Variants in NUP93 observed in about 807,000 individuals in gnomAD.
NUP93 encodes nucleoporin 93, also known as nuclear pore complex protein Nup93.
NUP93 carries 55 observed loss-of-function variants against 107.8 expected under a neutral mutation model. The observed-to-expected ratio is 0.51, with a 90% CI of 0.41 to 0.64. The LOEUF (loss-of-function observed/expected upper bound fraction) is 0.64. Ranked by LOEUF, NUP93 falls within the 30% of genes least tolerant of loss-of-function variation. The pLI is 0.00. For synonymous variants in NUP93, 390 were observed against 397.5 expected (o/e 0.98, Z 0.22); for missense variants, 937 against 1,044.7 (o/e 0.90, Z 1.42).
chr16:56,740,126 G>GCC (rs1961696350), intron 1 of NUP93, among the ~76,000 whole-genome samples: 1 of 116,496 alleles, frequency 8.6e-6, no homozygotes, highest in African/African-American at 3.6e-5. Flanking sequence ...GCGGGGGGCT[G>GCC]ACCCCCCCAC....
intron 5 of NUP93, among the ~76,000 whole-genome samples, chr16:56,810,051 G>C (rs2078128560): frequency 6.6e-6 from 1 of 152,110 alleles, no homozygotes; most frequent in Non-Finnish European, 1.5e-5. Context: ...ATTGATAATG[G>C]GATGTTCTTT....
intron 1 of NUP93, among the ~76,000 whole-genome samples, chr16:56,745,264 A>ACACAT (rs1218544272): frequency 2.0e-5 from 3 of 152,282 alleles, no homozygotes; most frequent in Non-Finnish European, 4.4e-5. Context: ...AATGTGCCTG[A>ACACAT]TCTGTTGGGG....
Position 56,847,819 on chromosome 16 carries a change from C to G in NUP93, c.*3210C>G, listed in dbSNP as rs941289813. ...GGATGCAGACCCAGCTCCTGTCCTCCGCGAACTTACAGTCTAATTAGAGCC... is the reference window on the plus strand; with the variant it reads ...GGATGCAGACCCAGCTCCTGTCCTCGGCGAACTTACAGTCTAATTAGAGCC... On this transcript the variant is annotated 3_prime_UTR_variant, in exon 22 of 22. Transcript: ENST00000308159. The G allele has an allele frequency of 1.3e-5, 2 of 152,176 alleles. No individual in the cohort carries two copies. Among genetic ancestry groups the G allele is most frequent in the African/African-American group, 4.8e-5 (2 of 41,440 alleles). 9.4% of individuals were successfully genotyped at this position (152,176 alleles called of 1,614,324 possible).
chr16:56,758,434 G>C, intron 2 of NUP93, 104 bp from the exon 3 acceptor site: 4 of 840,116 alleles, frequency 4.8e-6, no homozygotes, highest in Non-Finnish European at 6.1e-6. Flanking sequence ...AGGAAGTTTT[G>C]AATTAAAAAT....
intron 18 of NUP93, 113 bp downstream of exon 18, chr16:56,837,839 C>T (rs1433102378): frequency 5.5e-6 from 4 of 724,590 alleles, no homozygotes; most frequent in Non-Finnish European, 9.3e-6. Flanking sequence ...GACAGCTTTC[C>T]AAAGTGGTTC....
chr16:56,786,676 G>A (rs1204586109), intron 3 of NUP93, among the ~76,000 whole-genome samples: 2 of 152,256 alleles, frequency 1.3e-5, no homozygotes, highest in Non-Finnish European at 2.9e-5. Context: ...TGGGTCCATT[G>A]TGTTGGCTCG....
chr16:56,841,930 C>G lies in NUP93; in HGVS notation c.2349+97C>G, dbSNP rs1451252453. 2.7e-6 allele frequency: 4 copies of G among 1,460,224 alleles called. No individual in the cohort carries two copies. The African/African-American group carries it at 4.2e-5, about 15-fold the overall frequency. The allele number at this position is 1,460,224 out of a possible 1,614,324, so 90.5% of individuals were successfully genotyped here. On this transcript the variant is annotated intron_variant, in intron 21 of 21. Coordinates refer to ENST00000308159, the MANE Select transcript of NUP93 (RefSeq NM_014669.5). Reference sequence around the variant, plus strand: ...TGAGACCACATGACCCAAAACTGCTCTTTCTCCTCAGTACCTGGCAGCTGG... The same window carrying G: ...TGAGACCACATGACCCAAAACTGCTGTTTCTCCTCAGTACCTGGCAGCTGG...
rs766467811 is a variant in NUP93, at chr16:56,848,814, G to C, written c.*4205G>C. The C allele has an allele frequency of 1.1e-4, 16 of 152,202 alleles. No individual in the cohort carries two copies. The highest frequency in any genetic ancestry group is 2.2e-4 in the Non-Finnish European group (15 of 68,040). The allele number at this position is 152,202 out of a possible 1,614,324, so 9.4% of individuals were successfully genotyped here. The stretch of plus-strand genomic sequence containing the variant: ...TGTGCTGGGCCGTGCTAGGTAGCTG[G>C]AATATCTGAGGTAAATTAAGCACTG... On this transcript the variant is annotated 3_prime_UTR_variant, in exon 22 of 22. Transcript: ENST00000308159.
In NUP93 at chr16:56,831,923, C is replaced by T. The variant is rs773601636; in HGVS notation, c.1167C>T (p.Ala389=). The T allele has an allele frequency of 6.2e-5, 100 of 1,613,966 alleles. No individual in the cohort carries two copies. Among genetic ancestry groups the T allele is most frequent in the Non-Finnish European group, 7.5e-5 (88 of 1,179,990 alleles). Residue 389 remains alanine (A), a synonymous_variant, in exon 11 of 22, where the codon GCC becomes GCT. Coordinates refer to ENST00000308159, the MANE Select transcript of NUP93 (RefSeq NM_014669.5). ...ACAATACAGATCCCTACAAGCGGGC[C>T]GTGTACTGTATCATTGGCAGATGTG... The part of the protein sequence containing the change: ...LRNNTDPYKR[A]VYCIIGRCDV...
chr16:56,842,183 C>A (rs1964039043), intron 21 of NUP93, among the ~76,000 whole-genome samples: 1 of 152,142 alleles, frequency 6.6e-6, no homozygotes, highest in Non-Finnish European at 1.5e-5. Context: ...TTATTAAAAC[C>A]ATACTTTATT....
At chr16:56,775,926 A>C (rs1292243933) in intron 3 of NUP93, among the ~76,000 whole-genome samples, 6 of 152,142 alleles carry the variant, frequency 3.9e-5, no homozygotes, top group Admixed American at 2.0e-4. Flanking sequence ...AGTAACCCAC[A>C]GGTCATCACC....
At chr16:56,777,549 A>C (rs9928890) in intron 3 of NUP93, among the ~76,000 whole-genome samples, 20,239 of 152,224 alleles carry the variant, frequency 0.13, 1,465 homozygotes, top group South Asian at 0.19. Flanking sequence ...CTCACTTAAA[A>C]TAATATTCAG....
intron 21 of NUP93, chr16:56,842,555 C>CTTT: frequency 1.9e-5 from 8 of 418,838 alleles, no homozygotes; most frequent in Admixed American, 2.7e-5. Flanking sequence ...ATGGTGTTTG[C>CTTT]TTTTTTTTTT....
chr16:56,803,453 AAATAAT>A (rs112927830), intron 4 of NUP93, among the ~76,000 whole-genome samples: 49 of 151,954 alleles, frequency 3.2e-4, no homozygotes, highest in South Asian at 2.1e-4. Context: ...CAACAGAAAA[AAATAAT>A]AATAATAATA....
At chr16:56,732,985 T>C (rs1022864336) in intron 1 of NUP93, among the ~76,000 whole-genome samples, 1 of 151,966 alleles carries the variant, frequency 6.6e-6, no homozygotes, top group African/African-American at 2.4e-5. Flanking sequence ...TTCAGAGTAG[T>C]GTGGGAGGGG....
intron 5 of NUP93, among the ~76,000 whole-genome samples, chr16:56,808,189 T>TAC (rs1963199612): frequency 7.9e-6 from 1 of 126,096 alleles, no homozygotes; most frequent in East Asian, 2.3e-4. Context: ...AATATATAGT[T>TAC]ATATAACTAT....
chr16:56,764,474 A>AG (rs1270236610), intron 3 of NUP93, among the ~76,000 whole-genome samples: 1 of 152,230 alleles, frequency 6.6e-6, no homozygotes, highest in Admixed American at 6.5e-5. Context: ...TGGCTGACAG[A>AG]GAGAGACTCT....
chr16:56,732,770 G>T (rs1341372073), intron 1 of NUP93, among the ~76,000 whole-genome samples: 10 of 152,106 alleles, frequency 6.6e-5, no homozygotes, highest in Non-Finnish European at 7.4e-5. Context: ...TTAGAGGGAA[G>T]ATCTTTCACT....
intron 1 of NUP93, among the ~76,000 whole-genome samples, chr16:56,735,801 C>A (rs1450715477): frequency 4.8e-5 from 7 of 145,062 alleles, no homozygotes; most frequent in African/African-American, 1.8e-4. Context: ...GCACTCCAGC[C>A]TGGGGGACAA....
Sources: gnomAD v4.1 joint callset for allele counts (sites outside exome capture counted in the v4.1 genomes callset) on GRCh38, gnomAD v4.1.1 for gene constraint, MANE v1.5 for transcripts, NCBI Gene and HGNC (gene_info 2026-07-23, HGNC 2026-07-21) for gene names.